Variants in FGGY observed in about 807,000 individuals in gnomAD.
FGGY encodes FGGY carbohydrate kinase domain-containing protein.
FGGY carries 72 observed loss-of-function variants against 71.3 expected under a neutral mutation model. The observed-to-expected ratio is 1.01, with a 90% CI of 0.84 to 1.23. The LOEUF (loss-of-function observed/expected upper bound fraction) is 1.23. Ranked by LOEUF, FGGY falls within the 50% of genes most tolerant of loss-of-function variation. The pLI is 0.00. For missense variants in FGGY, 668 were observed against 682.3 expected (o/e 0.98, Z 0.23); for synonymous variants, 251 against 250.3 (o/e 1.00, Z -0.02).
chr1:59,502,029 A>G (rs1187335230), intron 6 of FGGY, among the ~76,000 whole-genome samples: 1 of 152,212 alleles, frequency 6.6e-6, no homozygotes, highest in African/African-American at 2.4e-5. Context: ...TATTTGCATT[A>G]TCTTGCTTGA....
At chr1:59,710,739 G>A (rs992271994) in intron 14 of FGGY, among the ~76,000 whole-genome samples, 1 of 152,082 alleles carries the variant, frequency 6.6e-6, no homozygotes, top group Non-Finnish European at 1.5e-5. Context: ...CAAAACCACA[G>A]AGATACCGTC....
At chr1:59,448,796 G>A (rs2071941794) in intron 5 of FGGY, among the ~76,000 whole-genome samples, 1 of 152,096 alleles carries the variant, frequency 6.6e-6, no homozygotes, top group Non-Finnish European at 1.5e-5. Flanking sequence ...GCCAGATAGA[G>A]CATCAAGAAA....
intron 7 of FGGY, among the ~76,000 whole-genome samples, chr1:59,541,080 T>G (rs2095432854): frequency 1.3e-5 from 2 of 152,210 alleles, no homozygotes; most frequent in Non-Finnish European, 2.9e-5. Context: ...TGTTTTTTGA[T>G]GTCTTTAACA....
intron 4 of FGGY, among the ~76,000 whole-genome samples, chr1:59,360,123 C>T (rs943824519): frequency 3.9e-4 from 40 of 101,832 alleles, no homozygotes; most frequent in African/African-American, 1.5e-3. Flanking sequence ...ATTTTTCTAT[C>T]ATTGTTATTA....
chr1:59,701,724 G>C (rs1392137887), intron 14 of FGGY, among the ~76,000 whole-genome samples: 1 of 152,138 alleles, frequency 6.6e-6, no homozygotes, highest in East Asian at 1.9e-4. Context: ...CTGTGTGTTT[G>C]GAGAGGGGTA....
intron 4 of FGGY, among the ~76,000 whole-genome samples, chr1:59,371,066 T>C (rs1409815948): frequency 6.6e-6 from 1 of 151,910 alleles, no homozygotes; most frequent in Non-Finnish European, 1.5e-5. Context: ...ATATTAACTT[T>C]AAATGTAAAT....
intron 9 of FGGY, among the ~76,000 whole-genome samples, chr1:59,612,387 A>G (rs2096695143): frequency 6.6e-6 from 1 of 152,228 alleles, no homozygotes; most frequent in African/African-American, 2.4e-5. Context: ...TTTCATATCC[A>G]GCCAAACTAA....
intron 2 of FGGY, among the ~76,000 whole-genome samples, chr1:59,339,424 C>T (rs1416017951): frequency 1.3e-5 from 2 of 151,656 alleles, no homozygotes; most frequent in African/African-American, 4.8e-5. Flanking sequence ...TATGAGGTGA[C>T]TTTTTATTCC....
intron 14 of FGGY, among the ~76,000 whole-genome samples, chr1:59,738,707 A>ATCCACTTTTGCTGGGCACTCACATCTG (rs2098124416): frequency 6.6e-6 from 1 of 152,232 alleles, no homozygotes; most frequent in Non-Finnish European, 1.5e-5. Flanking sequence ...TGTGGCAAGA[A>ATCCACTTTTGCTGGGCACTCACATCTG]TCCACTTTTG....
intron 5 of FGGY, among the ~76,000 whole-genome samples, chr1:59,396,563 G>A (rs1422651907): frequency 2.6e-5 from 4 of 152,066 alleles, no homozygotes; most frequent in African/African-American, 7.2e-5. Context: ...CAGTGAGTGG[G>A]GAATCAAAGT....
chr1:59,421,956 C>G (rs2065510944), intron 5 of FGGY, among the ~76,000 whole-genome samples: 1 of 152,174 alleles, frequency 6.6e-6, no homozygotes. Flanking sequence ...GGATCCCACC[C>G]TTACTTTGTT....
At chr1:59,428,739 C>G (rs544736316) in intron 5 of FGGY, among the ~76,000 whole-genome samples, 1 of 152,112 alleles carries the variant, frequency 6.6e-6, no homozygotes, top group African/African-American at 2.4e-5. Context: ...TTATGTTGCC[C>G]CAAGGTCACG....
chr1:59,581,891 T>A (rs1245429594), intron 8 of FGGY, among the ~76,000 whole-genome samples: 1 of 149,932 alleles, frequency 6.7e-6, no homozygotes, highest in Non-Finnish European at 1.5e-5. Flanking sequence ...CAGGGACCGA[T>A]ATGTTTAGCT....
intron 1 of FGGY, among the ~76,000 whole-genome samples, chr1:59,306,526 A>G (rs1455799471): frequency 6.6e-6 from 1 of 152,204 alleles, no homozygotes; most frequent in Non-Finnish European, 1.5e-5. Flanking sequence ...CGTGTGGAGA[A>G]GCCTGCCTGG....
intron 8 of FGGY, among the ~76,000 whole-genome samples, chr1:59,585,209 C>T (rs1374692306): frequency 1.3e-5 from 2 of 152,258 alleles, no homozygotes; most frequent in Middle Eastern, 3.4e-3. Flanking sequence ...CCCACATTGC[C>T]AAGTCAATCC....
chr1:59,412,528 A>G (rs1467793549), intron 5 of FGGY, among the ~76,000 whole-genome samples: 2 of 151,500 alleles, frequency 1.3e-5, no homozygotes, highest in African/African-American at 4.9e-5. Context: ...ATGCAGTAGA[A>G]CCCTCTTCCT....
chr1:59,657,725 G>A (rs186098054), intron 11 of FGGY, among the ~76,000 whole-genome samples: 178 of 152,310 alleles, frequency 1.2e-3, no homozygotes, highest in African/African-American at 4.0e-3. Context: ...CCCAGATGGG[G>A]TGCCTTTTTC....
intron 6 of FGGY, among the ~76,000 whole-genome samples, chr1:59,462,038 C>A (rs1170914315): frequency 6.7e-6 from 1 of 149,340 alleles, no homozygotes; most frequent in Non-Finnish European, 1.5e-5. Flanking sequence ...CATGTGTTCT[C>A]ATTGTTCAAT....
At chr1:59,372,433 A>T (rs1248672792) in intron 4 of FGGY, among the ~76,000 whole-genome samples, 1 of 152,200 alleles carries the variant, frequency 6.6e-6, no homozygotes, top group East Asian at 1.9e-4. Context: ...TACCAACCAA[A>T]AAGAGTCCAG....
Sources: gnomAD v4.1 joint callset for allele counts (sites outside exome capture counted in the v4.1 genomes callset) on GRCh38, gnomAD v4.1.1 for gene constraint, MANE v1.5 for transcripts, NCBI Gene and HGNC (gene_info 2026-07-23, HGNC 2026-07-21) for gene names.